The following MPP4 variants were observed in gnomAD, a reference collection of about 807,000 sequenced individuals.
MPP4 encodes MAGUK p55 scaffold protein 4.
A neutral mutation model predicts 98.3 loss-of-function variants in MPP4; 91 were observed. The observed-to-expected ratio is 0.93, with a 90% CI of 0.78 to 1.10. MPP4 has a LOEUF of 1.10. MPP4 is among the 50% of genes least tolerant of loss of function. The pLI is 0.00. For synonymous variants in MPP4, 261 were observed against 271.8 expected (o/e 0.96, Z 0.39); for missense variants, 744 against 792.9 (o/e 0.94, Z 0.74).
Position 201,662,003 on chromosome 2 carries a change from C to T in MPP4, c.1073-1657G>A, listed in dbSNP as rs541366410. Reference sequence around the variant, plus strand: ...TATTTCTAACAGGCCAACCATCTAACGGAAAATAGGAAATTTTGAAACAAC... The same window carrying T: ...TATTTCTAACAGGCCAACCATCTAATGGAAAATAGGAAATTTTGAAACAAC... On this transcript the variant is annotated intron_variant, in intron 14 of 21. Transcript: ENST00000409474. The T allele has an allele frequency of 2.0e-4, 67 of 329,140 alleles. 1 individual carries two copies. The highest frequency in any genetic ancestry group is 3.3e-4 in the Non-Finnish European group (56 of 169,794). 20.4% of individuals were successfully genotyped at this position (329,140 alleles called of 1,614,324 possible).
chr2:201,685,856 T>C (rs762702914), intron 6 of MPP4, 63 bp downstream of exon 6: 16 of 1,577,858 alleles, frequency 1.0e-5, no homozygotes, highest in Non-Finnish European at 1.4e-5. Context: ...CCACTAGATA[T>C]AATTTGGTTC....
At chr2:201,658,618 A>G (rs1217460869) in intron 15 of MPP4, 100 bp from the exon 16 acceptor site, 1 of 1,002,362 alleles carries the variant, frequency 1.0e-6, no homozygotes, top group Non-Finnish European at 1.5e-6. Flanking sequence ...TGACCACCTT[A>G]GTAGACGGCA....
chr2:201,649,710 G>A, intron 19 of MPP4, 26 bp from the exon 20 acceptor site: 1 of 1,513,510 alleles, frequency 6.6e-7, no homozygotes, highest in Admixed American at 1.8e-5. Flanking sequence ...AAACAAAACA[G>A]AACACTTTCT....
chr2:201,656,865 G>C (rs1054006907), intron 16 of MPP4, among the ~76,000 whole-genome samples: 3 of 152,222 alleles, frequency 2.0e-5, no homozygotes, highest in Non-Finnish European at 2.9e-5. Flanking sequence ...AGCAAGTGCA[G>C]TGGTGCAGAG....
intron 20 of MPP4, among the ~76,000 whole-genome samples, chr2:201,648,554 A>T (rs4675207): frequency 0.5 from 76,327 of 152,046 alleles, 19,285 homozygotes; most frequent in East Asian, 0.68. Flanking sequence ...TCTTACTAGC[A>T]GAGTAAGAGT....
intron 10 of MPP4, among the ~76,000 whole-genome samples, chr2:201,677,090 T>G (rs1688525590): frequency 6.6e-6 from 1 of 152,198 alleles, no homozygotes; most frequent in African/African-American, 2.4e-5. Context: ...TTTTTTAACC[T>G]TCTGTACCTT....
intron 18 of MPP4, chr2:201,650,678 C>A (rs1003610496): frequency 3.0e-6 from 3 of 985,102 alleles, no homozygotes; most frequent in Non-Finnish European, 3.6e-6. Flanking sequence ...TTAGAACCTA[C>A]GTGTTCTGAC....
chr2:201,657,590 G>GTTTTTTTTGTTTTTTTTT (rs1687884945), intron 16 of MPP4, among the ~76,000 whole-genome samples: 5 of 91,124 alleles, frequency 5.5e-5, no homozygotes, highest in Non-Finnish European at 8.9e-5. Flanking sequence ...CCTGGCCCTT[G>GTTTTTTTTGTTTTTTTTT]TTTTTTTTTT....
At position 201,657,611 on chromosome 2, in the gene MPP4, T is replaced by TG. The variant is rs1377621249; in HGVS notation, c.1129+865_1129+866insC. On this transcript the variant is annotated intron_variant, in intron 16 of 21. Transcript: ENST00000409474. Reference sequence around the variant, plus strand: ...CCTTGTTTTTTTTTTGTTTTTTTGTTTTTTTTTGCTTATTGTATCAATCAA... The same window carrying TG: ...CCTTGTTTTTTTTTTGTTTTTTTGTTGTTTTTTTGCTTATTGTATCAATCAA... Among the ~76,000 whole-genome samples the TG allele has an allele frequency of 9.0e-5, 10 of 111,722 alleles. 1 individual carries two copies. Among genetic ancestry groups the TG allele is most frequent in the African/African-American group, 3.7e-4 (10 of 27,048 alleles). 73.3% of individuals were successfully genotyped at this position (111,722 alleles called of 152,430 possible).
intron 8 of MPP4, 126 bp from the exon 9 acceptor site, chr2:201,681,693 A>G: frequency 2.9e-6 from 2 of 693,080 alleles, no homozygotes; most frequent in Non-Finnish European, 5.1e-6. Flanking sequence ...GCCTTTCACA[A>G]GGGCTCTGCA....
chr2:201,647,081 C>A (rs1370323933), intron 21 of MPP4, among the ~76,000 whole-genome samples: 1 of 151,774 alleles, frequency 6.6e-6, no homozygotes, highest in Non-Finnish European at 1.5e-5. Context: ...TGTTATGACA[C>A]AATATTTAAA....
At chr2:201,654,525 A>T (rs939449980) in intron 18 of MPP4, among the ~76,000 whole-genome samples, 1 of 152,164 alleles carries the variant, frequency 6.6e-6, no homozygotes, top group African/African-American at 2.4e-5. Flanking sequence ...ATGCTAAATG[A>T]CGAGTTAATC....
At chr2:201,671,960 A>G (rs1021180807) in intron 11 of MPP4, among the ~76,000 whole-genome samples, 6 of 152,214 alleles carry the variant, frequency 3.9e-5, no homozygotes, top group African/African-American at 1.2e-4. Context: ...TCTTCTCAGC[A>G]CCACATCACA....
At chr2:201,656,467 T>C in intron 16 of MPP4, 99 bp from the exon 17 acceptor site, 2 of 1,163,598 alleles carry the variant, frequency 1.7e-6, no homozygotes, top group Non-Finnish European at 2.4e-6. Context: ...TCCTAAAGTG[T>C]TCATTAATAT....
intron 3 of MPP4, among the ~76,000 whole-genome samples, chr2:201,692,155 G>A (rs1046214360): frequency 6.6e-6 from 1 of 152,196 alleles, no homozygotes; most frequent in Admixed American, 6.5e-5. Context: ...CTTTTTCCAA[G>A]TTGAAATTTC....
chr2:201,680,537 G>C, intron 10 of MPP4: 1 of 290,240 alleles, frequency 3.4e-6, no homozygotes, highest in South Asian at 5.7e-5. Context: ...TTGGGGATTA[G>C]GTCTCAACAT....
Position 201,650,115 on chromosome 2 carries a change from A to G in MPP4, c.1432T>C (p.Tyr478His), listed in dbSNP as rs756214345. The G allele has an allele frequency of 2.5e-6, 4 of 1,581,522 alleles. No individual in the cohort carries two copies. The highest frequency in any genetic ancestry group is 1.2e-5 in the South Asian group (1 of 86,236). Residue 478 changes from tyrosine to histidine, a missense_variant, in exon 19 of 22, where the codon TAT becomes CAT. Coordinates refer to ENST00000409474, the MANE Select transcript of MPP4 (RefSeq NM_033066.3). Reference protein sequence around the residue: ...SYEMNGREYHYVSKETFENLI... With the variant: ...SYEMNGREYHHVSKETFENLI... ...TTTTCAAATGTTTCCTTGGACACAT[A>G]GTGATACTCACGCCCATTCATTTCG...
chr2:201,662,219 GAAGT>G (rs1183845278), intron 14 of MPP4: 1 of 166,152 alleles, frequency 6.0e-6, no homozygotes, highest in Non-Finnish European at 1.3e-5. Flanking sequence ...CATTTTAAAA[GAAGT>G]AATTTATATT....
At chr2:201,689,948 G>A (rs1255563670) in intron 4 of MPP4, among the ~76,000 whole-genome samples, 2 of 152,164 alleles carry the variant, frequency 1.3e-5, no homozygotes, top group Non-Finnish European at 2.9e-5. Context: ...GGCAAATGGA[G>A]TACGAGACTT....
Sources: gnomAD v4.1 joint callset for allele counts (sites outside exome capture counted in the v4.1 genomes callset) on GRCh38, gnomAD v4.1.1 for gene constraint, MANE v1.5 for transcripts, NCBI Gene and HGNC (gene_info 2026-07-23, HGNC 2026-07-21) for gene names.